AMPD1: variants seen among roughly 807,000 people sequenced by gnomAD.
AMPD1 encodes the protein adenosine monophosphate deaminase 1, also known as AMP deaminase 1.
Under a neutral mutation model 82.9 loss-of-function variants are expected in AMPD1, and 74 were observed. That is an observed-to-expected ratio of 0.89 (90% CI 0.74 to 1.08). The LOEUF (loss-of-function observed/expected upper bound fraction) is 1.08, where lower values mean the gene tolerates loss of function less well. Among genes scored for constraint, AMPD1 ranks in the 50% least tolerant of loss-of-function variants. AMPD1 has a pLI of 0.00. For missense variants in AMPD1, 881 were observed against 924.5 expected (o/e 0.95, Z 0.61); for synonymous variants, 333 against 320.5 (o/e 1.04, Z -0.42).
chr1:114,692,698 C>A (rs1658548161), intron 2 of AMPD1, among the ~76,000 whole-genome samples: 1 of 150,838 alleles, frequency 6.6e-6, no homozygotes, highest in African/African-American at 2.4e-5. Context: ...AATAAATAAA[C>A]AAACAAATAA....
At chr1:114,673,427 G>GAT (rs1657889546) in intron 15 of AMPD1, among the ~76,000 whole-genome samples, 155 bp from the exon 16 acceptor site, 1 of 152,154 alleles carries the variant, frequency 6.6e-6, no homozygotes, top group Non-Finnish European at 1.5e-5. Context: ...GTGCCTCAGT[G>GAT]TTCACAGTCT....
At chr1:114,693,378 T>C in intron 2 of AMPD1, 58 bp downstream of exon 2, 7 of 1,529,520 alleles carry the variant, frequency 4.6e-6, no homozygotes, top group Non-Finnish European at 6.3e-6. Flanking sequence ...TAAGGAATAG[T>C]ATCATTTTTT....
At position 114,688,560 on chromosome 1, in the gene AMPD1, C is replaced by T. The variant is rs750719292; in HGVS notation, c.215+1G>A. The T allele has an allele frequency of 1.2e-6, 2 of 1,614,048 alleles. No homozygotes were observed. The highest frequency in any genetic ancestry group is 1.3e-5 in the African/African-American group (1 of 74,912). On this transcript the variant is annotated splice_donor_variant, in intron 3 of 15. Coordinates refer to ENST00000520113, the MANE Select transcript of AMPD1 (RefSeq NM_000036.3). LOFTEE classifies it high-confidence loss of function. ...CTAAGCACTCCCCTTACACCACTTA[C>T]CTCCTGGCTTCTGTGGAGGTGGACA...
intron 5 of AMPD1, among the ~76,000 whole-genome samples, chr1:114,682,416 A>G (rs998940404): frequency 6.6e-6 from 1 of 152,180 alleles, no homozygotes; most frequent in Non-Finnish European, 1.5e-5. Context: ...AGAAATAAAG[A>G]CAAGACAAAC....
At chr1:114,693,010 A>T (rs1421150857) in intron 2 of AMPD1, among the ~76,000 whole-genome samples, 1 of 151,704 alleles carries the variant, frequency 6.6e-6, no homozygotes, top group Non-Finnish European at 1.5e-5. Context: ...CTGTCATCTC[A>T]GCTACTCGGG....
At chr1:114,680,587 C>A in intron 5 of AMPD1, 109 bp from the exon 6 acceptor site, 1 of 912,936 alleles carries the variant, frequency 1.1e-6, no homozygotes, top group East Asian at 2.4e-5. Context: ...GAATCCGGTA[C>A]TTAAGTTGTA....
intron 6 of AMPD1, among the ~76,000 whole-genome samples, chr1:114,679,914 G>C (rs1389513663): frequency 6.6e-6 from 1 of 152,198 alleles, no homozygotes; most frequent in East Asian, 1.9e-4. Context: ...AAGAATGAGG[G>C]AGAACTTGGA....
In AMPD1 at chr1:114,688,751, G is replaced by GT; in HGVS notation, c.35-11dup. The GT allele has an allele frequency of 6.2e-7, 1 of 1,614,158 alleles. No homozygotes were observed. Among genetic ancestry groups the GT allele is most frequent in the Non-Finnish European group, 8.5e-7 (1 of 1,180,008 alleles). On this transcript the variant is annotated splice_polypyrimidine_tract_variant and intron_variant, in intron 2 of 15. Transcript: ENST00000520113. ...ATTGCATCATCAATTTCTAAAAGAG[G>GT]TTTTCACATATTAGTGTTCAAGCCC...
chr1:114,693,327 T>G, intron 2 of AMPD1, 109 bp downstream of exon 2: 1 of 1,109,512 alleles, frequency 9.0e-7, no homozygotes, highest in Non-Finnish European at 1.4e-6. Context: ...TCAAGGCTAT[T>G]ATTTAATAAA....
In AMPD1 at chr1:114,690,237, T is replaced by C. The variant is rs115377379; in HGVS notation, c.35-1496A>G. On this transcript the variant is annotated intron_variant, in intron 2 of 15. Coordinates refer to ENST00000520113, the MANE Select transcript of AMPD1 (RefSeq NM_000036.3). ...TTAATCTGTAAAGTGGGAATACTAA[T>C]ACCTACCCAACCTCGCTGGCAAGGC... Among the ~76,000 whole-genome samples, 981 of 152,338 alleles carry C rather than the reference T, an allele frequency of 6.4e-3. 14 individuals carry two copies. Among genetic ancestry groups the C allele is most frequent in the African/African-American group, 0.022 (925 of 41,574 alleles).
chr1:114,693,535 C>T, intron 1 of AMPD1, 88 bp from the exon 2 acceptor site: 2 of 1,170,790 alleles, frequency 1.7e-6, no homozygotes, highest in South Asian at 2.5e-5. Flanking sequence ...GGGGTAGACA[C>T]ATGTAGATTG....
intron 10 of AMPD1, among the ~76,000 whole-genome samples, chr1:114,676,606 A>G (rs780097865): frequency 6.4e-4 from 98 of 152,208 alleles, no homozygotes; most frequent in Middle Eastern, 3.2e-3. Flanking sequence ...GGATTCAAGT[A>G]TCACCACTCT....
intron 2 of AMPD1, among the ~76,000 whole-genome samples, chr1:114,689,472 A>G (rs1658442528): frequency 6.6e-6 from 1 of 152,104 alleles, no homozygotes; most frequent in Non-Finnish European, 1.5e-5. Flanking sequence ...ATGGGGGGAA[A>G]TGATGCTTCT....
At chr1:114,693,626 C>G (rs1036877397) in intron 1 of AMPD1, among the ~76,000 whole-genome samples, 179 bp from the exon 2 acceptor site, 1 of 152,126 alleles carries the variant, frequency 6.6e-6, no homozygotes, top group Non-Finnish European at 1.5e-5. Flanking sequence ...TTATACAGCT[C>G]TTCATTTTCT....
intron 5 of AMPD1, among the ~76,000 whole-genome samples, chr1:114,681,024 C>G (rs1658143097): frequency 6.6e-6 from 1 of 152,124 alleles, no homozygotes; most frequent in Admixed American, 6.5e-5. Context: ...TTTTCAAGTT[C>G]TTTGGAAGAA....
At position 114,679,612 on chromosome 1, in the gene AMPD1, G is replaced by C. The variant is rs982156348; in HGVS notation, c.864C>G (p.Asn288Lys). 1 of 1,613,906 alleles carries C rather than the reference G, an allele frequency of 6.2e-7. No individual in the cohort carries two copies. The highest frequency in any genetic ancestry group is 8.5e-7 in the Non-Finnish European group (1 of 1,179,942). Reference sequence around the variant, plus strand: ...AGTTATAAAAATCTCGGTGGGGGTTGTTTTTCAGCTCCTTTAACTCGTCCA... The same window carrying C: ...AGTTATAAAAATCTCGGTGGGGGTTCTTTTTCAGCTCCTTTAACTCGTCCA... ...NEMDELKELK[N>K]NPHRDFYNCR... Residue 288 changes from asparagine to lysine, a missense_variant, in exon 7 of 16, where the codon AAC becomes AAG. This residue lies in a region of AMPD1 where 783 missense variants were observed against 786.4 expected (regional missense o/e 1.00). Coordinates refer to ENST00000520113, the MANE Select transcript of AMPD1 (RefSeq NM_000036.3).
At chr1:114,688,968 A>G (rs1570853188) in intron 2 of AMPD1, 1 of 734,196 alleles carries the variant, frequency 1.4e-6, no homozygotes, top group East Asian at 2.6e-5. Flanking sequence ...CTCATAGCAC[A>G]TTTCAGAACA....
Position 114,674,066 on chromosome 1 carries a change from T to C in AMPD1, c.1817A>G (p.Tyr606Cys). The change falls in exon 14 of 16, where the codon TAC becomes TGC. Residue 606 changes from tyrosine (Y) to cysteine (C), a missense_variant. This residue lies in a region of AMPD1 where 783 missense variants were observed against 786.4 expected (regional missense o/e 1.00). Transcript: ENST00000520113. Reference protein sequence around the residue: ...LNLKKSPVLQYLFFLAQIPIA... With the variant: ...LNLKKSPVLQCLFFLAQIPIA... Reference sequence around the variant, plus strand: ...GGGAATTTGGGCTAAGAAAAACAAGTACTGTAGCACGGGACTCTGAAAAAG... The same window carrying C: ...GGGAATTTGGGCTAAGAAAAACAAGCACTGTAGCACGGGACTCTGAAAAAG... 6.2e-7 allele frequency: 1 copy of C among 1,613,862 alleles called. No individual in the cohort carries two copies. The highest frequency in any genetic ancestry group is 8.5e-7 in the Non-Finnish European group (1 of 1,179,770).
chr1:114,686,973 A>C (rs984826273), intron 3 of AMPD1, 63 bp from the exon 4 acceptor site: 16 of 1,527,034 alleles, frequency 1.0e-5, no homozygotes, highest in African/African-American at 1.4e-5. Flanking sequence ...ATTGTGATAG[A>C]TAGATGTTTC....
Sources: allele counts gnomAD v4.1 joint callset (sites outside exome capture counted in the v4.1 genomes callset), GRCh38; gene constraint gnomAD v4.1.1; regional missense constraint gnomAD v4.1.1; transcripts MANE v1.5; gene names NCBI Gene and HGNC (gene_info 2026-07-23, HGNC 2026-07-21).